GAS7: variants seen among roughly 807,000 people sequenced by gnomAD.
The protein encoded by GAS7 is growth arrest-specific protein 7.
Under a neutral mutation model 71.1 loss-of-function variants are expected in GAS7, and 28 were observed. The ratio of observed to expected loss-of-function variants is 0.39; its 90% CI spans 0.29 to 0.54. GAS7 has a LOEUF of 0.54. Among genes scored for constraint, GAS7 ranks in the 20% least tolerant of loss-of-function variants. The pLI is 0.62. For synonymous variants in GAS7, 258 were observed against 245.8 expected (o/e 1.05, Z -0.46); for missense variants, 436 against 627.8 (o/e 0.69, Z 3.27).
chr17:10,055,429 C>G (rs1182165870), intron 1 of GAS7, among the ~76,000 whole-genome samples: 1 of 152,182 alleles, frequency 6.6e-6, no homozygotes, highest in East Asian at 1.9e-4. Context: ...GGACCTCAGG[C>G]CCTGGCCACC....
At chr17:9,999,309 G>T (rs1297661611) in intron 2 of GAS7, among the ~76,000 whole-genome samples, 1 of 152,132 alleles carries the variant, frequency 6.6e-6, no homozygotes, top group Non-Finnish European at 1.5e-5. Context: ...CTTGAGGTCA[G>T]GAGTTCGACA....
chr17:10,001,329 G>A (rs774719826), intron 2 of GAS7, among the ~76,000 whole-genome samples: 1 of 152,134 alleles, frequency 6.6e-6, no homozygotes, highest in Non-Finnish European at 1.5e-5. Context: ...ACTTATAAAC[G>A]TAATACAGGT....
chr17:10,155,429 AG>A (rs1271393202), intron 1 of GAS7, among the ~76,000 whole-genome samples: 5 of 152,154 alleles, frequency 3.3e-5, no homozygotes, highest in African/African-American at 1.2e-4. Flanking sequence ...GCTCACCCCC[AG>A]CTCTGCCCTA....
At chr17:10,187,235 G>A (rs536333817) in intron 1 of GAS7, among the ~76,000 whole-genome samples, 3 of 152,240 alleles carry the variant, frequency 2.0e-5, no homozygotes, top group East Asian at 1.9e-4. Flanking sequence ...CACACTGGGC[G>A]TTCCATCATC....
At position 9,966,877 on chromosome 17, in the gene GAS7, T is replaced by C. The variant is rs1477280473; in HGVS notation, c.471+2800A>G. Among the ~76,000 whole-genome samples the C allele has an allele frequency of 2.0e-5, 3 of 152,226 alleles. No homozygotes were observed. In the East Asian group the frequency reaches 5.8e-4, roughly 29 times the overall value. ...GGCAACACAGGGACACCCTGTTTCC[T>C]AATTATTTTTAACTTAAAAAAGTAG... On this transcript the variant is annotated intron_variant, in intron 4 of 13. Transcript: ENST00000432992.
intron 1 of GAS7, among the ~76,000 whole-genome samples, chr17:10,157,267 TGCCAACCTTGGA>T (rs756339158): frequency 5.9e-5 from 9 of 152,100 alleles, no homozygotes; most frequent in Non-Finnish European, 1.3e-4. Flanking sequence ...GTGCAAGGCC[TGCCAACCTTGGA>T]GCTGACGAGG....
At chr17:9,982,087 T>A (rs372869762) in intron 2 of GAS7, among the ~76,000 whole-genome samples, 7 of 152,074 alleles carry the variant, frequency 4.6e-5, no homozygotes, top group South Asian at 2.1e-4. Context: ...CCTTCCACCA[T>A]CCCATGACCA....
chr17:10,098,930 T>C (rs2073670710), intron 1 of GAS7, among the ~76,000 whole-genome samples: 1 of 152,144 alleles, frequency 6.6e-6, no homozygotes, highest in Non-Finnish European at 1.5e-5. Context: ...CACTCCAGCC[T>C]GGATGACAGA....
At chr17:10,159,673 T>C (rs183653634) in intron 1 of GAS7, among the ~76,000 whole-genome samples, 23 of 152,288 alleles carry the variant, frequency 1.5e-4, no homozygotes, top group African/African-American at 4.3e-4. Flanking sequence ...GAGTACTGAC[T>C]TGGAGAGAAG....
intron 1 of GAS7, among the ~76,000 whole-genome samples, chr17:10,178,618 A>G (rs1297032560): frequency 6.8e-6 from 1 of 147,990 alleles, no homozygotes; most frequent in Non-Finnish European, 1.5e-5. Context: ...TCTAATCAGC[A>G]TGCATTAGTA....
At chr17:10,058,132 C>T (rs908863378) in intron 1 of GAS7, among the ~76,000 whole-genome samples, 12 of 152,182 alleles carry the variant, frequency 7.9e-5, no homozygotes, top group Non-Finnish European at 1.6e-4. Context: ...GGGTCCTCTG[C>T]CTAGGAAAAC....
intron 1 of GAS7, among the ~76,000 whole-genome samples, chr17:10,090,104 G>A (rs1232507076): frequency 2.6e-5 from 4 of 152,076 alleles, no homozygotes; most frequent in Admixed American, 6.5e-5. Context: ...GGGAGGCAGA[G>A]GTTGCAGTGA....
intron 1 of GAS7, among the ~76,000 whole-genome samples, chr17:10,120,627 G>A (rs1190959405): frequency 2.6e-5 from 4 of 152,164 alleles, no homozygotes; most frequent in African/African-American, 4.8e-5. Context: ...CAGTAGAATC[G>A]CTTGAACCTG....
At chr17:10,005,062 T>C (rs909927801) in intron 2 of GAS7, among the ~76,000 whole-genome samples, 10 of 143,434 alleles carry the variant, frequency 7.0e-5, no homozygotes, top group Admixed American at 1.3e-4. Context: ...CACATATATG[T>C]GTGTATGCAC....
At chr17:9,925,687 C>T in intron 10 of GAS7, 88 bp from the exon 11 acceptor site, 2 of 1,426,276 alleles carry the variant, frequency 1.4e-6, no homozygotes, top group Admixed American at 1.8e-5. Context: ...CCTTTGGAGT[C>T]CTTTCGCCCC....
chr17:10,067,237 A>G (rs908220830), intron 1 of GAS7, among the ~76,000 whole-genome samples: 11 of 152,178 alleles, frequency 7.2e-5, no homozygotes, highest in Non-Finnish European at 1.0e-4. Flanking sequence ...TTCTTCATGC[A>G]GACAAGTGTC....
chr17:10,078,282 G>A (rs765116889), intron 1 of GAS7, among the ~76,000 whole-genome samples: 1 of 152,064 alleles, frequency 6.6e-6, no homozygotes, highest in Admixed American at 6.6e-5. Context: ...AGTACAGATG[G>A]GGTTTTGCCA....
chr17:10,153,434 T>C (rs976948657), intron 1 of GAS7, among the ~76,000 whole-genome samples: 10 of 151,336 alleles, frequency 6.6e-5, no homozygotes, highest in Admixed American at 2.0e-4. Flanking sequence ...GAGAATTGCT[T>C]GTACCCAGGG....
chr17:9,918,157 C>T lies in GAS7; in HGVS notation c.1219-58G>A, dbSNP rs2270122. The T allele has an allele frequency of 0.15, 182,269 of 1,253,650 alleles. 16,795 individuals carry two copies. Among genetic ancestry groups the T allele is most frequent in the African/African-American group, 0.36 (24,380 of 67,032 alleles). 77.7% of individuals were successfully genotyped at this position (1,253,650 alleles called of 1,614,324 possible). On this transcript the variant is annotated intron_variant, in intron 12 of 13. Transcript: ENST00000432992. ...GCACGTCCCCTCCACTTGGGGGTCC[C>T]CCCACCAAGACCACAAAACGCAAGT...
Sources: gnomAD v4.1 joint callset for allele counts (sites outside exome capture counted in the v4.1 genomes callset) on GRCh38, gnomAD v4.1.1 for gene constraint, MANE v1.5 for transcripts, NCBI Gene and HGNC (gene_info 2026-07-23, HGNC 2026-07-21) for gene names.